MCHR2: variants seen among roughly 807,000 people sequenced by gnomAD.
MCHR2 encodes the protein melanin-concentrating hormone receptor 2.
MCHR2 carries 15 observed loss-of-function variants against 24.8 expected under a neutral mutation model. The ratio of observed to expected loss-of-function variants is 0.60; its 90% CI spans 0.40 to 0.93. The LOEUF (loss-of-function observed/expected upper bound fraction) is 0.93. Ranked by LOEUF, MCHR2 falls within the 40% of genes least tolerant of loss-of-function variation. The pLI is 0.00. For missense variants in MCHR2, 386 were observed against 408.7 expected (o/e 0.94, Z 0.48); for synonymous variants, 151 against 147.6 (o/e 1.02, Z -0.17).
intron 1 of MCHR2, among the ~76,000 whole-genome samples, chr6:99,991,758 G>C (rs576966570): frequency 7.2e-6 from 1 of 139,808 alleles, no homozygotes; most frequent in Non-Finnish European, 1.5e-5. Flanking sequence ...AGTGAGCAGA[G>C]ACCGCGCGAC....
chr6:99,974,380 G>A lies in MCHR2; in HGVS notation c.-27-18206C>T, dbSNP rs531333892. On this transcript the variant is annotated intron_variant, in intron 1 of 5. Coordinates refer to ENST00000281806, the MANE Select transcript of MCHR2 (RefSeq NM_001040179.2). ...CTCCTGAGGCTTCTGCATTGTTCAC[G>A]TAGTTCTCAAGCCTTGGCTTCAGCT... Among the ~76,000 whole-genome samples, 688 of 152,160 alleles carry A rather than the reference G, an allele frequency of 4.5e-3. 12 individuals carry two copies. Among genetic ancestry groups the A allele is most frequent in the South Asian group, 0.014 (68 of 4,814 alleles).
At chr6:99,936,658 C>T (rs1458788337) in intron 4 of MCHR2, among the ~76,000 whole-genome samples, 1 of 151,788 alleles carries the variant, frequency 6.6e-6, no homozygotes, top group African/African-American at 2.4e-5. Context: ...CTCAGGATTT[C>T]TTTAGCTATT....
intron 1 of MCHR2, among the ~76,000 whole-genome samples, chr6:99,988,909 G>A (rs1369551397): frequency 6.6e-6 from 1 of 152,122 alleles, no homozygotes; most frequent in African/African-American, 2.4e-5. Flanking sequence ...CCATCAGGTA[G>A]TATTTATTTA....
At chr6:99,980,767 A>G (rs1775653954) in intron 1 of MCHR2, among the ~76,000 whole-genome samples, 1 of 152,220 alleles carries the variant, frequency 6.6e-6, no homozygotes, top group Admixed American at 6.5e-5. Flanking sequence ...ATTTAATAGC[A>G]ATGAGAATGT....
chr6:99,921,602 C>T (rs887303599), intron 5 of MCHR2, among the ~76,000 whole-genome samples: 2 of 152,134 alleles, frequency 1.3e-5, no homozygotes, highest in East Asian at 1.9e-4. Context: ...TCCCTTGAAG[C>T]ATTTATACTT....
At chr6:99,993,263 G>GCTAC (rs757145078) in intron 1 of MCHR2, among the ~76,000 whole-genome samples, 3 of 152,172 alleles carry the variant, frequency 2.0e-5, no homozygotes, top group Non-Finnish European at 4.4e-5. Context: ...AAGGGCCTAG[G>GCTAC]CTACCACCTG....
At chr6:99,957,192 G>A (rs185434894) in intron 1 of MCHR2, among the ~76,000 whole-genome samples, 1 of 152,144 alleles carries the variant, frequency 6.6e-6, no homozygotes, top group Admixed American at 6.6e-5. Context: ...CAGGGTCCAG[G>A]GCCTACTGAG....
chr6:99,964,543 C>G (rs1371338856), intron 1 of MCHR2, among the ~76,000 whole-genome samples: 4 of 152,016 alleles, frequency 2.6e-5, no homozygotes, highest in African/African-American at 4.8e-5. Flanking sequence ...TGAGCACAAG[C>G]AGGAGAAATG....
chr6:99,953,357 C>G (rs1159554208), intron 2 of MCHR2, among the ~76,000 whole-genome samples: 4 of 152,040 alleles, frequency 2.6e-5, no homozygotes, highest in Non-Finnish European at 1.5e-5. Context: ...GTAGGACACA[C>G]CATATGTATC....
At chr6:99,939,160 A>G (rs1241843266) in intron 4 of MCHR2, among the ~76,000 whole-genome samples, 1 of 151,952 alleles carries the variant, frequency 6.6e-6, no homozygotes, top group Non-Finnish European at 1.5e-5. Flanking sequence ...TAATTGGAAA[A>G]TTGAGACCCT....
At chr6:99,947,635 C>G in intron 3 of MCHR2, 127 bp downstream of exon 3, 2 of 842,908 alleles carry the variant, frequency 2.4e-6, no homozygotes, top group South Asian at 3.5e-5. Flanking sequence ...GTAATCAGTT[C>G]TACAGTGAAA....
chr6:99,921,131 C>T lies in MCHR2; in HGVS notation c.832G>A (p.Glu278Lys), dbSNP rs1406002417. The stretch of plus-strand genomic sequence containing the variant: ...ACATAGAAGGCCAGTGTGGGCTGTT[C>T]CATCTGTAAGTTCACCAGTTGTATC... ...HVIQLVNLQM[E>K]QPTLAFYVGY... The change falls in exon 6 of 6, where the codon GAA (glutamate) becomes AAA (lysine). Residue 278 changes from glutamate to lysine, a missense_variant. Glu to Lys is a moderately conservative substitution (Grantham distance 56, BLOSUM62 1). Transcript: ENST00000281806. 1 of 1,614,150 alleles carries T rather than the reference C, an allele frequency of 6.2e-7. No individual in the cohort carries two copies. Among genetic ancestry groups the T allele is most frequent in the East Asian group, 2.2e-5 (1 of 44,868 alleles).
chr6:99,967,629 A>G lies in MCHR2; in HGVS notation c.-27-11455T>C, dbSNP rs906453395. On this transcript the variant is annotated intron_variant, in intron 1 of 5. Transcript: ENST00000281806. ...TTCAAGTTAAATATCAGGGAAAAAA[A>G]TCATCTGGGGAAAAAACCTACTGCT... 6.6e-5 allele frequency among the ~76,000 whole-genome samples: 10 copies of G among 152,288 alleles called. 1 individual carries two copies. The highest frequency in any genetic ancestry group is 2.4e-4 in the African/African-American group (10 of 41,574).
chr6:99,936,220 C>G (rs1774657596), intron 4 of MCHR2, among the ~76,000 whole-genome samples: 1 of 151,636 alleles, frequency 6.6e-6, no homozygotes, highest in Non-Finnish European at 1.5e-5. Context: ...CCTATTTATC[C>G]ACTTTTGCTT....
At chr6:99,926,289 A>G (rs183183312) in intron 5 of MCHR2, among the ~76,000 whole-genome samples, 2,251 of 152,226 alleles carry the variant, frequency 0.015, 57 homozygotes, top group African/African-American at 0.052. Flanking sequence ...GTGCCACAAT[A>G]AACATACGTA....
At chr6:99,966,464 A>G (rs1030475285) in intron 1 of MCHR2, among the ~76,000 whole-genome samples, 16 of 152,300 alleles carry the variant, frequency 1.1e-4, no homozygotes, top group African/African-American at 3.8e-4. Context: ...AAATCAAATA[A>G]TAAATCCATG....
At chr6:99,975,261 G>A (rs962376435) in intron 1 of MCHR2, among the ~76,000 whole-genome samples, 52 of 152,306 alleles carry the variant, frequency 3.4e-4, no homozygotes, top group African/African-American at 1.1e-3. Context: ...ACCTAATCAA[G>A]CCTGGGTAAT....
At chr6:99,950,367 T>G (rs779997726) in intron 2 of MCHR2, among the ~76,000 whole-genome samples, 2 of 152,188 alleles carry the variant, frequency 1.3e-5, no homozygotes, top group Non-Finnish European at 2.9e-5. Flanking sequence ...TATCTTTAGA[T>G]TTCCTGTTGT....
intron 1 of MCHR2, among the ~76,000 whole-genome samples, chr6:99,959,369 T>C (rs1775134069): frequency 6.6e-6 from 1 of 151,958 alleles, no homozygotes; most frequent in Non-Finnish European, 1.5e-5. Context: ...GTAGCTATGC[T>C]GCTTGGTGAA....
Sources: allele counts gnomAD v4.1 joint callset (sites outside exome capture counted in the v4.1 genomes callset), GRCh38; gene constraint gnomAD v4.1.1; transcripts MANE v1.5; gene names NCBI Gene and HGNC (gene_info 2026-07-23, HGNC 2026-07-21).